The following NRXN1 variants were observed in gnomAD, a reference collection of about 807,000 sequenced individuals.
NRXN1 encodes neurexin 1, also known as neurexin-1.
A neutral mutation model predicts 150.9 loss-of-function variants in NRXN1; 39 were observed. That is an observed-to-expected ratio of 0.26 (90% CI 0.20 to 0.34). The LOEUF (loss-of-function observed/expected upper bound fraction) is 0.34. Among genes scored for constraint, NRXN1 ranks in the 10% least tolerant of loss-of-function variants. The pLI is 1.00. For missense variants in NRXN1, 1,815 were observed against 1,949.9 expected (o/e 0.93, Z 1.30); for synonymous variants, 924 against 757.0 (o/e 1.22, Z -3.62).
intron 10 of NRXN1, among the ~76,000 whole-genome samples, chr2:50,537,133 C>A (rs2093279637): frequency 6.6e-6 from 1 of 152,028 alleles, no homozygotes; most frequent in Non-Finnish European, 1.5e-5. Context: ...TTGGGTTTCA[C>A]AAAACAACCC....
chr2:50,089,626 A>G (rs1699275978), intron 19 of NRXN1, among the ~76,000 whole-genome samples: 1 of 151,914 alleles, frequency 6.6e-6, no homozygotes, highest in Non-Finnish European at 1.5e-5. Flanking sequence ...CATCTCTACA[A>G]AAAAATTTTA....
chr2:50,825,551 G>A (rs531435327), intron 5 of NRXN1, among the ~76,000 whole-genome samples: 3 of 152,350 alleles, frequency 2.0e-5, no homozygotes, highest in East Asian at 3.9e-4. Context: ...AGCTGAACAT[G>A]TGGAGGATCC....
intron 21 of NRXN1, among the ~76,000 whole-genome samples, chr2:49,948,948 C>T (rs1673443111): frequency 6.6e-6 from 1 of 151,956 alleles, no homozygotes. Flanking sequence ...GCTGATCTTC[C>T]TTAATTCAGA....
chr2:50,157,250 G>A (rs924149488), intron 18 of NRXN1, among the ~76,000 whole-genome samples: 3 of 151,920 alleles, frequency 2.0e-5, no homozygotes, highest in African/African-American at 7.2e-5. Context: ...CAAAATTCAA[G>A]TTGAGATCAT....
intron 2 of NRXN1, among the ~76,000 whole-genome samples, chr2:50,983,698 GA>G (rs763887473): frequency 2.0e-5 from 3 of 151,886 alleles, no homozygotes; most frequent in Admixed American, 6.6e-5. Flanking sequence ...CGTAAAAAAA[GA>G]AAAAACATAA....
intron 17 of NRXN1, among the ~76,000 whole-genome samples, chr2:50,356,178 T>C (rs988634693): frequency 3.3e-5 from 5 of 152,134 alleles, no homozygotes; most frequent in Non-Finnish European, 7.4e-5. Context: ...ATAATGGAAA[T>C]ACTGTCACCA....
chr2:50,269,972 A>C (rs1022369084), intron 17 of NRXN1, among the ~76,000 whole-genome samples: 1 of 152,060 alleles, frequency 6.6e-6, no homozygotes, highest in African/African-American at 2.4e-5. Flanking sequence ...TGTTAAAACA[A>C]AATTAAATTA....
intron 19 of NRXN1, among the ~76,000 whole-genome samples, chr2:50,073,098 A>G (rs1696548782): frequency 6.6e-6 from 1 of 152,204 alleles, no homozygotes; most frequent in Admixed American, 6.5e-5. Flanking sequence ...ATCTTGAATT[A>G]CAATATCAGT....
At chr2:50,030,690 T>C (rs1376627961) in intron 21 of NRXN1, among the ~76,000 whole-genome samples, 1 of 152,196 alleles carries the variant, frequency 6.6e-6, no homozygotes. Context: ...ATAGAGAATA[T>C]ACAACTTGAA....
At chr2:50,365,409 T>C (rs1333070875) in intron 17 of NRXN1, among the ~76,000 whole-genome samples, 1 of 152,040 alleles carries the variant, frequency 6.6e-6, no homozygotes. Context: ...AGTACATGTA[T>C]AAAATGTGAG....
intron 15 of NRXN1, among the ~76,000 whole-genome samples, chr2:50,477,120 T>C (rs377503048): frequency 3.5e-4 from 53 of 152,250 alleles, no homozygotes; most frequent in African/African-American, 1.2e-3. Context: ...AAAATTTATA[T>C]GGCATTTAGG....
At chr2:50,176,723 A>G (rs1464229530) in intron 18 of NRXN1, among the ~76,000 whole-genome samples, 1 of 152,152 alleles carries the variant, frequency 6.6e-6, no homozygotes, top group East Asian at 1.9e-4. Flanking sequence ...TGTACATAAC[A>G]TTGAGAAAAC....
At chr2:50,692,466 G>A (rs948774386) in intron 5 of NRXN1, among the ~76,000 whole-genome samples, 2 of 151,348 alleles carry the variant, frequency 1.3e-5, no homozygotes, top group Non-Finnish European at 1.5e-5. Context: ...GCTACTCTGT[G>A]GAGATTTTTT....
In NRXN1 at chr2:51,028,380, GA is replaced by G; in HGVS notation, c.-108del. On this transcript the variant is annotated 5_prime_UTR_variant, in exon 2 of 23. Transcript: ENST00000401669. ...GTCCCGAGAGACAGAAAGGTAAGGGGAAAGGCGGGAGTGAGAGGGATGTGCC... is the reference window on the plus strand; with the variant it reads ...GTCCCGAGAGACAGAAAGGTAAGGGGAAGGCGGGAGTGAGAGGGATGTGCC... The G allele has an allele frequency of 1.4e-6, 1 of 718,336 alleles. No homozygotes were observed. Among genetic ancestry groups the G allele is most frequent in the Non-Finnish European group, 2.1e-6 (1 of 477,888 alleles). The allele number at this position is 718,336 out of a possible 1,614,324, so 44.5% of individuals were successfully genotyped here.
chr2:50,018,164 A>G (rs1686957364), intron 21 of NRXN1, among the ~76,000 whole-genome samples: 1 of 152,172 alleles, frequency 6.6e-6, no homozygotes, highest in Non-Finnish European at 1.5e-5. Flanking sequence ...GAACTATAAA[A>G]TAACATTTCT....
intron 17 of NRXN1, among the ~76,000 whole-genome samples, chr2:50,386,547 T>C (rs573770518): frequency 1.3e-5 from 2 of 152,136 alleles, no homozygotes; most frequent in East Asian, 3.9e-4. Context: ...AAGATGAATA[T>C]AAGCAAGTAT....
At chr2:50,711,344 T>G (rs1460370788) in intron 5 of NRXN1, among the ~76,000 whole-genome samples, 1 of 149,666 alleles carries the variant, frequency 6.7e-6, no homozygotes, top group Non-Finnish European at 1.5e-5. Flanking sequence ...TTTTTTTTTT[T>G]TTTTTTTTGA....
intron 11 of NRXN1, 88 bp from the exon 12 acceptor site, chr2:50,528,739 C>T (rs774658603): frequency 3.8e-5 from 29 of 760,446 alleles, no homozygotes; most frequent in South Asian, 6.8e-5. Flanking sequence ...TCCACCCTTC[C>T]GGGGACAGAC....
chr2:50,382,145 T>C (rs562238000), intron 17 of NRXN1, among the ~76,000 whole-genome samples: 1 of 152,266 alleles, frequency 6.6e-6, no homozygotes, highest in African/African-American at 2.4e-5. Flanking sequence ...ATGAATGAAG[T>C]AAAGGAATGA....
Sources: allele counts gnomAD v4.1 joint callset (sites outside exome capture counted in the v4.1 genomes callset), GRCh38; gene constraint gnomAD v4.1.1; transcripts MANE v1.5; gene names NCBI Gene and HGNC (gene_info 2026-07-23, HGNC 2026-07-21).